NAA25: variants seen among roughly 807,000 people sequenced by gnomAD.
NAA25 encodes the protein N-terminal acetyltransferase B complex subunit NAA25.
NAA25 carries 30 observed loss-of-function variants against 132.5 expected under a neutral mutation model. The observed-to-expected ratio is 0.23, with a 90% CI of 0.17 to 0.31. The LOEUF (loss-of-function observed/expected upper bound fraction) is 0.31, where lower values mean the gene tolerates loss of function less well. Ranked by LOEUF, NAA25 falls within the 10% of genes least tolerant of loss-of-function variation. NAA25 has a pLI of 1.00. For synonymous variants in NAA25, 359 were observed against 401.9 expected (o/e 0.89, Z 1.28); for missense variants, 771 against 1,150.4 (o/e 0.67, Z 4.77).
At chr12:112,039,187 G>C (rs1219139963) in intron 22 of NAA25, 42 bp downstream of exon 22, 3 of 1,236,148 alleles carry the variant, frequency 2.4e-6, no homozygotes, top group Non-Finnish European at 3.5e-6. Flanking sequence ...GTAGCATGTG[G>C]TCAGATTGTT....
intron 22 of NAA25, chr12:112,034,628 A>AAACAACAACAAC (rs57168073): frequency 2.6e-5 from 4 of 151,222 alleles, no homozygotes; most frequent in South Asian, 2.1e-4. Flanking sequence ...TCCGTCTCAA[A>AAACAACAACAAC]AACAACAACA....
At chr12:112,108,460 C>T (rs1310219334) in intron 1 of NAA25, among the ~76,000 whole-genome samples, 2 of 152,178 alleles carry the variant, frequency 1.3e-5, no homozygotes, top group Non-Finnish European at 2.9e-5. Context: ...ACCACGCGTC[C>T]CACGGGGCCT....
At chr12:112,036,504 T>A (rs2136803461) in intron 22 of NAA25, among the ~76,000 whole-genome samples, 1 of 151,678 alleles carries the variant, frequency 6.6e-6, no homozygotes, top group South Asian at 2.1e-4. Flanking sequence ...TGGAAAGAAC[T>A]CTTGAAACTG....
intron 22 of NAA25, chr12:112,035,410 T>C (rs2078211013): frequency 6.6e-6 from 1 of 152,092 alleles, no homozygotes; most frequent in South Asian, 2.1e-4. Context: ...TTCTCTCACC[T>C]CTGCCTCCTT....
At chr12:112,078,532 A>T in intron 6 of NAA25, 102 bp downstream of exon 6, 1 of 1,080,466 alleles carries the variant, frequency 9.3e-7, no homozygotes, top group African/African-American at 1.6e-5. Flanking sequence ...GTGAGGACCC[A>T]GCTATCAAAC....
At chr12:112,069,205 CTTTAAAA>C (rs905694601) in intron 10 of NAA25, 3 of 464,038 alleles carry the variant, frequency 6.5e-6, no homozygotes, top group Non-Finnish European at 1.2e-5. Context: ...CCTGACTAGT[CTTTAAAA>C]GATAAAAAAA....
chr12:112,059,190 T>C (rs547701826), intron 13 of NAA25, among the ~76,000 whole-genome samples: 2 of 146,590 alleles, frequency 1.4e-5, no homozygotes, highest in South Asian at 4.6e-4. Flanking sequence ...GAGAATCGCT[T>C]GAACCCAGGA....
chr12:112,062,813 T>A (rs763383052), intron 11 of NAA25, among the ~76,000 whole-genome samples: 3 of 151,628 alleles, frequency 2.0e-5, no homozygotes, highest in Non-Finnish European at 4.4e-5. Context: ...CCAACAGAGA[T>A]GGGAGAATCA....
chr12:112,090,813 T>C lies in NAA25; in HGVS notation c.196A>G (p.Thr66Ala). The C allele has an allele frequency of 6.2e-7, 1 of 1,613,160 alleles. No individual in the cohort carries two copies. The highest frequency in any genetic ancestry group is 1.1e-5 in the South Asian group (1 of 91,060). Residue 66 changes from threonine (T) to alanine (A), a missense_variant, in exon 3 of 24, where the codon ACT (threonine) becomes GCT (alanine). Transcript: ENST00000261745. ...QRTGKQEEAF[T>A]LAQEVAALEP... The stretch of plus-strand genomic sequence containing the variant: ...AGGGCTGCCACCTCCTGTGCAAGAG[T>C]AAAGGCTTCCTCTTGCTTTCCAGTT...
chr12:112,105,899 C>T (rs1302761808), intron 1 of NAA25, among the ~76,000 whole-genome samples: 1 of 152,220 alleles, frequency 6.6e-6, no homozygotes, highest in Non-Finnish European at 1.5e-5. Flanking sequence ...CCAGTAAACA[C>T]TAATTAATGC....
chr12:112,053,820 T>TAA (rs1375852857), intron 14 of NAA25, among the ~76,000 whole-genome samples, 163 bp from the exon 15 acceptor site: 18 of 109,912 alleles, frequency 1.6e-4, no homozygotes, highest in African/African-American at 5.4e-4. Flanking sequence ...CAGTTAAAAT[T>TAA]TAAAAAAAAA....
intron 22 of NAA25, among the ~76,000 whole-genome samples, chr12:112,036,426 G>A (rs2078224583): frequency 6.6e-6 from 1 of 152,138 alleles, no homozygotes; most frequent in Non-Finnish European, 1.5e-5. Context: ...TAAATATATT[G>A]ATGATATTTG....
chr12:112,063,116 A>G (rs1225394297), intron 11 of NAA25, among the ~76,000 whole-genome samples: 2 of 152,100 alleles, frequency 1.3e-5, no homozygotes, highest in Admixed American at 1.3e-4. Context: ...AGCAAATAAA[A>G]ATCATGAAGA....
At chr12:112,105,548 C>G (rs2079350978) in intron 1 of NAA25, among the ~76,000 whole-genome samples, 1 of 152,148 alleles carries the variant, frequency 6.6e-6, no homozygotes, top group African/African-American at 2.4e-5. Context: ...AAAGCTATTC[C>G]AACCCTAGAC....
intron 4 of NAA25, among the ~76,000 whole-genome samples, chr12:112,086,051 A>AATATATATATATATAT (rs1555238696): frequency 6.2e-4 from 23 of 37,370 alleles, no homozygotes; most frequent in Non-Finnish European, 7.8e-4. Flanking sequence ...AAAAAAAAAA[A>AATATATATATATATAT]ATATATATAT....
intron 11 of NAA25, among the ~76,000 whole-genome samples, chr12:112,068,151 G>A (rs1479044049): frequency 1.3e-5 from 2 of 152,072 alleles, no homozygotes; most frequent in Non-Finnish European, 1.5e-5. Context: ...CGATCCTGCC[G>A]CCTCAGTCTC....
rs185703028 is a variant in NAA25, at chr12:112,048,182, T to C, written c.1880+110A>G. 2,533 of 1,051,556 alleles carry C rather than the reference T, an allele frequency of 2.4e-3. 8 individuals carry two copies. Among genetic ancestry groups the C allele is most frequent in the South Asian group, 3.8e-3 (223 of 59,332 alleles). The allele number at this position is 1,051,556 out of a possible 1,614,324, so 65.1% of individuals were successfully genotyped here. ...GTTTCCCCACTGTCTCTCTCCCTTT[T>C]TTCCCCCTATTTTACCTTAAGCCTG... On this transcript the variant is annotated intron_variant, in intron 16 of 23. Coordinates refer to ENST00000261745, the MANE Select transcript of NAA25 (RefSeq NM_024953.4).
rs2078409938 is a variant in NAA25, at chr12:112,047,785, G to C, written c.1886C>G (p.Thr629Ser). The change falls in exon 17 of 24, where the codon ACC becomes AGC. Residue 629 changes from threonine (T) to serine (S), a missense_variant. Thr to Ser is a moderately conservative substitution (Grantham distance 58). Coordinates refer to ENST00000261745, the MANE Select transcript of NAA25 (RefSeq NM_024953.4). ...TGACTTTATACTTTCTGCTAAACTG[G>C]TTGATCTGTGATAGAGAAAAATCCA... ...LDLLLEANIS[T>S]SLAESIKSMN... 3 of 1,604,004 alleles carry C rather than the reference G, an allele frequency of 1.9e-6. No homozygotes were observed. Among genetic ancestry groups the C allele is most frequent in the Non-Finnish European group, 2.5e-6 (3 of 1,176,966 alleles).
At chr12:112,042,287 A>C in intron 19 of NAA25, 183 bp from the exon 20 acceptor site, 1 of 331,190 alleles carries the variant, frequency 3.0e-6, no homozygotes, top group Non-Finnish European at 5.4e-6. Flanking sequence ...GGAAGAATAA[A>C]AAGAAAGGCA....
Sources: allele counts gnomAD v4.1 joint callset (sites outside exome capture counted in the v4.1 genomes callset), GRCh38; gene constraint gnomAD v4.1.1; transcripts MANE v1.5; gene names NCBI Gene and HGNC (gene_info 2026-07-23, HGNC 2026-07-21).